Variants in NKAIN3 observed in about 807,000 individuals in gnomAD.
NKAIN3 encodes the protein sodium/potassium-transporting ATPase subunit beta-1-interacting protein 3.
In NKAIN3, 25 loss-of-function variants were observed where a neutral mutation model predicts 30.2. That is an observed-to-expected ratio of 0.83 (90% CI 0.60 to 1.16). The LOEUF is 1.16. Among genes scored for constraint, NKAIN3 ranks in the 50% most tolerant of loss-of-function variants. The pLI, the probability that NKAIN3 is intolerant of heterozygous loss-of-function variation, is 0.00. For missense variants in NKAIN3, 225 were observed against 254.1 expected, an observed-to-expected ratio of 0.89 and a Z score of 0.78; for synonymous variants, 91 against 89.6, an observed-to-expected ratio of 1.02 and a Z score of -0.09.
At chr8:62,436,506 T>C (rs2129597931) in intron 1 of NKAIN3, among the ~76,000 whole-genome samples, 1 of 152,306 alleles carries the variant, frequency 6.6e-6, no homozygotes, top group Admixed American at 6.5e-5. Context: ...ATAAAACAGC[T>C]GTGATCACCA....
intron 1 of NKAIN3, among the ~76,000 whole-genome samples, chr8:62,331,095 A>T (rs990032815): frequency 6.9e-6 from 1 of 144,102 alleles, no homozygotes; most frequent in East Asian, 2.0e-4. Context: ...CTCTCTCTCC[A>T]TATATATATA....
intron 4 of NKAIN3, among the ~76,000 whole-genome samples, chr8:62,769,977 A>G (rs1460155990): frequency 6.6e-6 from 1 of 152,216 alleles, no homozygotes; most frequent in Non-Finnish European, 1.5e-5. Flanking sequence ...CCCTTGCATA[A>G]TCCTCTCCTC....
intron 4 of NKAIN3, among the ~76,000 whole-genome samples, chr8:62,904,301 G>A (rs918416422): frequency 6.6e-6 from 1 of 152,164 alleles, no homozygotes; most frequent in Non-Finnish European, 1.5e-5. Flanking sequence ...GAAGGAAGCA[G>A]TATGCATTCT....
rs1223546569 is a variant in NKAIN3, at chr8:62,586,616, G to A, written c.193-3098G>A. ...GTGTATATGAAAGAATGAATGAATG[G>A]TCTTTCTCGTAATTAGAAAATAAGC... On this transcript the variant is annotated intron_variant, in intron 2 of 6. Transcript: ENST00000623646. Among the ~76,000 whole-genome samples the A allele has an allele frequency of 2.0e-5, 3 of 152,046 alleles. No homozygotes were observed. The East Asian group carries it at 5.8e-4, about 29-fold the overall frequency.
At chr8:62,872,769 CT>C (rs1414922901) in intron 4 of NKAIN3, among the ~76,000 whole-genome samples, 1 of 152,086 alleles carries the variant, frequency 6.6e-6, no homozygotes, top group African/African-American at 2.4e-5. Flanking sequence ...CCAAATTAAG[CT>C]TCATAAGCAA....
chr8:62,363,295 T>C (rs903151670), intron 1 of NKAIN3, among the ~76,000 whole-genome samples: 5 of 152,210 alleles, frequency 3.3e-5, no homozygotes, highest in African/African-American at 9.6e-5. Context: ...TGAGTCAGCA[T>C]GATGATGGGC....
chr8:62,950,944 CTT>C (rs71559384), intron 5 of NKAIN3, among the ~76,000 whole-genome samples: 2,581 of 100,622 alleles, frequency 0.026, 29 homozygotes, highest in South Asian at 0.037. Context: ...AAACAGAATC[CTT>C]TTTTTTTTTT....
intron 4 of NKAIN3, among the ~76,000 whole-genome samples, chr8:62,900,030 A>T (rs1029877527): frequency 4.3e-4 from 4 of 9,384 alleles, no homozygotes; most frequent in Non-Finnish European, 5.7e-4. Context: ...TACTGAAATT[A>T]AAAAAAAAAG....
At chr8:62,844,379 A>G (rs542319216) in intron 4 of NKAIN3, among the ~76,000 whole-genome samples, 2 of 152,288 alleles carry the variant, frequency 1.3e-5, no homozygotes, top group East Asian at 3.9e-4. Context: ...ATGTCCAACC[A>G]AAAAGGACAA....
At chr8:62,878,132 A>G (rs1820856446) in intron 4 of NKAIN3, among the ~76,000 whole-genome samples, 1 of 151,962 alleles carries the variant, frequency 6.6e-6, no homozygotes, top group South Asian at 2.1e-4. Context: ...GCTTTGTTTC[A>G]ATCTTCTCAT....
At chr8:62,489,770 A>T (rs919481227) in intron 1 of NKAIN3, among the ~76,000 whole-genome samples, 10 of 152,188 alleles carry the variant, frequency 6.6e-5, no homozygotes, top group African/African-American at 1.9e-4. Flanking sequence ...TGACATGCAA[A>T]CTTAAGTTCT....
chr8:62,410,867 A>G (rs376169883), intron 1 of NKAIN3, among the ~76,000 whole-genome samples: 8 of 152,274 alleles, frequency 5.3e-5, no homozygotes, highest in African/African-American at 1.9e-4. Context: ...GAGTCAGAAA[A>G]AAAACAAAAC....
intron 5 of NKAIN3, among the ~76,000 whole-genome samples, chr8:62,940,632 A>T (rs780512874): frequency 2.0e-5 from 3 of 152,130 alleles, no homozygotes; most frequent in Non-Finnish European, 2.9e-5. Flanking sequence ...AAACCCTGCA[A>T]ATATATAGAA....
In NKAIN3 at chr8:62,973,475, G is replaced by C. The variant is rs1404053171; in HGVS notation, c.*8068G>C. Among the ~76,000 whole-genome samples the C allele has an allele frequency of 6.6e-6, 1 of 152,038 alleles. No homozygotes were observed. Among genetic ancestry groups the C allele is most frequent in the Non-Finnish European group, 1.5e-5 (1 of 68,018 alleles). On this transcript the variant is annotated 3_prime_UTR_variant, in exon 7 of 7. Coordinates refer to ENST00000623646, the MANE Select transcript of NKAIN3 (RefSeq NM_001304533.3). ...CTGCATAAATGTCTTCTTTTAAGAAGTGTCTATTCATATCCTTAACCCACT... is the reference window on the plus strand; with the variant it reads ...CTGCATAAATGTCTTCTTTTAAGAACTGTCTATTCATATCCTTAACCCACT...
chr8:62,478,487 A>G (rs1382008995), intron 1 of NKAIN3, among the ~76,000 whole-genome samples: 1 of 152,178 alleles, frequency 6.6e-6, no homozygotes, highest in Admixed American at 6.5e-5. Flanking sequence ...ATAAGTTTTG[A>G]AGTCCTTCAC....
At chr8:62,415,135 G>A (rs57235077) in intron 1 of NKAIN3, among the ~76,000 whole-genome samples, 19,475 of 92,528 alleles carry the variant, frequency 0.21, 1,616 homozygotes, top group East Asian at 0.46. Flanking sequence ...ATATACTATA[G>A]TATATATGTA....
intron 4 of NKAIN3, among the ~76,000 whole-genome samples, chr8:62,867,086 T>C (rs1820448059): frequency 7.7e-6 from 1 of 129,174 alleles, no homozygotes; most frequent in South Asian, 2.6e-4. Context: ...TGTTTTGTTT[T>C]GCTTTGTTTC....
chr8:62,489,257 C>T (rs948065251), intron 1 of NKAIN3, among the ~76,000 whole-genome samples: 1 of 151,674 alleles, frequency 6.6e-6, no homozygotes, highest in African/African-American at 2.4e-5. Context: ...GATCTCCTGA[C>T]CTCGTGATCT....
chr8:62,382,959 C>T (rs1017900116), intron 1 of NKAIN3, among the ~76,000 whole-genome samples: 5 of 152,092 alleles, frequency 3.3e-5, no homozygotes, highest in East Asian at 1.9e-4. Flanking sequence ...CAGACTTTCA[C>T]GATGTTCTTT....
Sources: gnomAD v4.1 joint callset for allele counts (sites outside exome capture counted in the v4.1 genomes callset) on GRCh38, gnomAD v4.1.1 for gene constraint, MANE v1.5 for transcripts, NCBI Gene and HGNC (gene_info 2026-07-23, HGNC 2026-07-21) for gene names.